Variants in ARFGEF3 observed in about 807,000 individuals in gnomAD.
ARFGEF3 encodes ARFGEF family member 3.
ARFGEF3 carries 96 observed loss-of-function variants against 221.7 expected under a neutral mutation model. That is an observed-to-expected ratio of 0.43 (90% CI 0.37 to 0.51). The LOEUF is 0.51. ARFGEF3 is among the 20% of genes least tolerant of loss of function. The probability of loss-of-function intolerance (pLI) is 0.00; values close to 1 mark genes in which losing one functional copy is unlikely to be tolerated. For missense variants in ARFGEF3, 2,410 were observed against 2,789.9 expected (o/e 0.86, Z 3.07); for synonymous variants, 1,145 against 1,126.8 (o/e 1.02, Z -0.32).
intron 26 of ARFGEF3, among the ~76,000 whole-genome samples, chr6:138,315,580 G>GA (rs1192868253): frequency 6.6e-6 from 1 of 152,112 alleles, no homozygotes; most frequent in Non-Finnish European, 1.5e-5. Context: ...GGCCAGGCGC[G>GA]GTGGCTCATG....
rs1411797752 is a variant in ARFGEF3 at position 138,287,058 on chromosome 6, T to C, written c.2786-16T>C. 6.4e-7 allele frequency: 1 copy of C among 1,563,422 alleles called. No individual in the cohort carries two copies. Among genetic ancestry groups the C allele is most frequent in the Non-Finnish European group, 8.7e-7 (1 of 1,153,082 alleles). ...GATATACTCAGTCAAGAAGTCATTG[T>C]GTGTCTCCTCTGAAGGCGTTGCTGC... is the stretch of plus-strand genomic sequence containing the variant. On this transcript the variant is annotated splice_polypyrimidine_tract_variant and intron_variant, in intron 16 of 33. Transcript: ENST00000251691.
chr6:138,334,927 C>A lies in ARFGEF3; in HGVS notation c.6081C>A (p.Thr2027=). 6.3e-7 allele frequency: 1 copy of A among 1,589,680 alleles called. No individual in the cohort carries two copies. The highest frequency in any genetic ancestry group is 2.3e-5 in the East Asian group (1 of 43,646). Residue 2027 remains threonine, a synonymous_variant, in exon 33 of 34, where the codon ACC becomes ACA. Coordinates refer to ENST00000251691, the MANE Select transcript of ARFGEF3 (RefSeq NM_020340.5). The surrounding 1 kb of genome is among the most constrained non-coding windows in gnomAD (Gnocchi z 5.1). ...ACAAGACCATTTCAAAGTTGATGAC[C>A]GAATACAAAAAGAGGAAACAGCAGC... ...AADKTISKLM[T]EYKKRKQQHN... is the part of the protein sequence containing the mutation.
At chr6:138,176,039 A>G (rs560577620) in intron 2 of ARFGEF3, among the ~76,000 whole-genome samples, 1 of 152,078 alleles carries the variant, frequency 6.6e-6, no homozygotes, top group Non-Finnish European at 1.5e-5. Flanking sequence ...AGTCTGTTTT[A>G]TCTGACATAA....
intron 1 of ARFGEF3, among the ~76,000 whole-genome samples, chr6:138,165,067 G>A (rs1020559242): frequency 6.7e-6 from 1 of 150,036 alleles, no homozygotes; most frequent in African/African-American, 2.5e-5. Context: ...TCATGGGAGA[G>A]AGGAAGCATC....
At chr6:138,197,081 C>A (rs1777441535) in intron 2 of ARFGEF3, among the ~76,000 whole-genome samples, 1 of 152,212 alleles carries the variant, frequency 6.6e-6, no homozygotes, top group African/African-American at 2.4e-5. Flanking sequence ...GATCCACCTG[C>A]CTCAGCCTCC....
intron 22 of ARFGEF3, among the ~76,000 whole-genome samples, chr6:138,299,579 G>T (rs1779592575): frequency 6.6e-6 from 1 of 152,180 alleles, no homozygotes; most frequent in East Asian, 1.9e-4. Flanking sequence ...TGACACACTG[G>T]CAAGAAAGTA....
At chr6:138,328,781 G>C (rs1780170252) in intron 32 of ARFGEF3, among the ~76,000 whole-genome samples, 1 of 152,110 alleles carries the variant, frequency 6.6e-6, no homozygotes, top group Admixed American at 6.5e-5. Flanking sequence ...CTTAAGCTCA[G>C]AAGTTTGAGA....
intron 4 of ARFGEF3, among the ~76,000 whole-genome samples, chr6:138,215,516 A>G (rs1777824668): frequency 6.6e-6 from 1 of 152,182 alleles, no homozygotes; most frequent in African/African-American, 2.4e-5. Context: ...ACATATTGAT[A>G]CTAAGGTCAC....
chr6:138,210,074 T>G, intron 4 of ARFGEF3, 33 bp downstream of exon 4: 1 of 1,608,690 alleles, frequency 6.2e-7, no homozygotes. Flanking sequence ...TGTGCGTCAC[T>G]GGGACAGGAA....
Position 138,263,312 on chromosome 6 carries a change from C to T in ARFGEF3, c.1829C>T (p.Ser610Phe). 1.2e-6 allele frequency: 2 copies of T among 1,613,962 alleles called. No individual in the cohort carries two copies. The highest frequency in any genetic ancestry group is 1.7e-6 in the Non-Finnish European group (2 of 1,179,896). ...GACCTTTCTAGGACAGAGTTTGATT[C>T]CTGTGATCAGTACTCTATGGCAGCA... The part of the protein sequence containing the change: ...DQDLSRTEFD[S>F]CDQYSMAAEK... The change falls in exon 12 of 34, where the codon TCC (serine) becomes TTC (phenylalanine). Residue 610 changes from serine (S) to phenylalanine (F), a missense_variant. Ser to Phe is a radical substitution (Grantham distance 155). Around this residue, in one of 5 missense-constraint regions of ARFGEF3, gnomAD observed 594 missense variants for 734.3 expected, o/e 0.81. Coordinates refer to ENST00000251691, the MANE Select transcript of ARFGEF3 (RefSeq NM_020340.5).
rs752654764 is a variant in ARFGEF3, at chr6:138,307,338, C to T, written c.3914C>T (p.Thr1305Ile). 15 of 1,613,972 alleles carry T rather than the reference C, an allele frequency of 9.3e-6. No homozygotes were observed. In the South Asian group the frequency reaches 1.6e-4, roughly 18 times the overall value. The change falls in exon 23 of 34, where the codon ACA (threonine) becomes ATA (isoleucine). Residue 1305 changes from threonine (T) to isoleucine (I), a missense_variant. Physicochemically the swap from Thr to Ile is moderately conservative, Grantham distance 89. Around this residue, in one of 5 missense-constraint regions of ARFGEF3, gnomAD observed 723 missense variants for 991.9 expected, o/e 0.73. Coordinates refer to ENST00000251691, the MANE Select transcript of ARFGEF3 (RefSeq NM_020340.5). ...AGACCCTTGTTCAGTGCCCTGGAAA[C>T]AGTGCATGGCGGGAACAAGTCAGAG... is the stretch of plus-strand genomic sequence containing the variant. ...GWRPLFSALE[T>I]VHGGNKSEMK...
At chr6:138,222,753 A>G (rs1778003810) in intron 4 of ARFGEF3, among the ~76,000 whole-genome samples, 1 of 152,174 alleles carries the variant, frequency 6.6e-6, no homozygotes, top group Admixed American at 6.5e-5. Context: ...TTAGGGGTAC[A>G]AGTGGCTTTT....
chr6:138,172,922 T>C (rs74443731), intron 2 of ARFGEF3, among the ~76,000 whole-genome samples: 2,021 of 152,354 alleles, frequency 0.013, 30 homozygotes, highest in Middle Eastern at 0.055. Flanking sequence ...TAGTAATGAT[T>C]GCTTACAATT....
chr6:138,199,945 T>C (rs1440746977), intron 2 of ARFGEF3, among the ~76,000 whole-genome samples: 1 of 152,204 alleles, frequency 6.6e-6, no homozygotes, highest in African/African-American at 2.4e-5. Context: ...GGCATCCTTA[T>C]CTTGTTCCAG....
intron 25 of ARFGEF3, among the ~76,000 whole-genome samples, chr6:138,313,547 G>C (rs1779867351): frequency 6.6e-6 from 1 of 152,196 alleles, no homozygotes; most frequent in Non-Finnish European, 1.5e-5. Flanking sequence ...TTAAGATACT[G>C]AACAATTATC....
At chr6:138,189,243 AAAG>A (rs1158171083) in intron 2 of ARFGEF3, among the ~76,000 whole-genome samples, 1 of 152,246 alleles carries the variant, frequency 6.6e-6, no homozygotes, top group Non-Finnish European at 1.5e-5. Flanking sequence ...ACTTGTGAAA[AAAG>A]GTAATGTCAG....
chr6:138,227,868 C>G (rs1022080671), intron 4 of ARFGEF3, among the ~76,000 whole-genome samples: 1 of 151,944 alleles, frequency 6.6e-6, no homozygotes, highest in Non-Finnish European at 1.5e-5. Flanking sequence ...TCTGAGGGGG[C>G]GACATCTAAG....
chr6:138,228,104 A>G (rs1778120922), intron 4 of ARFGEF3, among the ~76,000 whole-genome samples: 1 of 150,798 alleles, frequency 6.6e-6, no homozygotes, highest in Non-Finnish European at 1.5e-5. Flanking sequence ...AAAGAAAGCT[A>G]TTTCCCATGA....
Position 138,287,198 on chromosome 6 carries a change from G to A in ARFGEF3, c.2896+14G>A, listed in dbSNP as rs1403394655. On this transcript the variant is annotated intron_variant, in intron 17 of 33. Transcript: ENST00000251691. ...CCATCACACAAGGTAACAACTGGAG[G>A]GCCAGAACCCACCTGGTGCCTTGGG... 2.6e-6 allele frequency: 4 copies of A among 1,549,550 alleles called. No individual in the cohort carries two copies. Among genetic ancestry groups the A allele is most frequent in the Non-Finnish European group, 3.5e-6 (4 of 1,144,208 alleles).
Sources: allele counts gnomAD v4.1 joint callset (sites outside exome capture counted in the v4.1 genomes callset), GRCh38; gene constraint gnomAD v4.1.1; regional missense constraint gnomAD v4.1.1; non-coding constraint Gnocchi (gnomAD v3.1); transcripts MANE v1.5; gene names NCBI Gene and HGNC (gene_info 2026-07-23, HGNC 2026-07-21).